The following SDC2 variants were observed in gnomAD, a reference collection of about 807,000 sequenced individuals.
The protein encoded by SDC2 is syndecan 2.
SDC2 carries 13 observed loss-of-function variants against 22.2 expected under a neutral mutation model. The observed-to-expected ratio is 0.59, with a 90% CI of 0.38 to 0.93. SDC2 has a LOEUF of 0.93. Among genes scored for constraint, SDC2 ranks in the 40% least tolerant of loss-of-function variants. SDC2 has a pLI of 0.00. For missense variants in SDC2, 235 were observed against 246.8 expected (o/e 0.95, Z 0.32); for synonymous variants, 94 against 92.8 (o/e 1.01, Z -0.07).
At chr8:96,608,878 G>A (rs1195620847) in intron 4 of SDC2, among the ~76,000 whole-genome samples, 1 of 152,102 alleles carries the variant, frequency 6.6e-6, no homozygotes, top group Admixed American at 6.5e-5. Context: ...TGTTAAGAAC[G>A]TTGTTTCTAT....
At chr8:96,593,620 C>T (rs1563674630) in intron 2 of SDC2, 29 bp downstream of exon 2, 1 of 1,386,538 alleles carries the variant, frequency 7.2e-7, no homozygotes, top group East Asian at 2.3e-5. Flanking sequence ...AACACTGGAC[C>T]TCATTCTCCA....
chr8:96,500,489 C>T (rs1221558025), intron 1 of SDC2, among the ~76,000 whole-genome samples: 1 of 151,884 alleles, frequency 6.6e-6, no homozygotes, highest in African/African-American at 2.4e-5. Flanking sequence ...TGGTGAAACC[C>T]CGTCTCTACT....
intron 1 of SDC2, among the ~76,000 whole-genome samples, chr8:96,568,802 A>G (rs867138382): frequency 2.4e-4 from 36 of 152,314 alleles, no homozygotes; most frequent in Middle Eastern, 6.8e-3. Context: ...ATAAACATGT[A>G]TTGCTTCATG....
intron 1 of SDC2, among the ~76,000 whole-genome samples, chr8:96,551,670 G>A (rs955882396): frequency 1.3e-5 from 2 of 152,164 alleles, no homozygotes; most frequent in Non-Finnish European, 2.9e-5. Flanking sequence ...GAGCTGATGA[G>A]CTTTACAGGT....
chr8:96,589,535 T>C (rs1186911910), intron 1 of SDC2, among the ~76,000 whole-genome samples: 2 of 152,060 alleles, frequency 1.3e-5, no homozygotes, highest in African/African-American at 2.4e-5. Flanking sequence ...GCCTCAGCCT[T>C]GCGAGTAGCT....
intron 1 of SDC2, among the ~76,000 whole-genome samples, chr8:96,530,273 G>A (rs763087088): frequency 7.4e-4 from 113 of 152,266 alleles, no homozygotes; most frequent in Non-Finnish European, 1.3e-3. Context: ...ATGATTAATA[G>A]CTATGTTAAT....
intron 1 of SDC2, among the ~76,000 whole-genome samples, chr8:96,561,027 C>T (rs1814200976): frequency 1.3e-5 from 2 of 152,134 alleles, no homozygotes; most frequent in African/African-American, 2.4e-5. Flanking sequence ...TCACTTGAAC[C>T]CAGGAGGCGG....
At chr8:96,587,772 C>G (rs1352549417) in intron 1 of SDC2, among the ~76,000 whole-genome samples, 3 of 152,076 alleles carry the variant, frequency 2.0e-5, no homozygotes, top group Non-Finnish European at 4.4e-5. Context: ...TTTGAAAATG[C>G]TGGATTAAGC....
chr8:96,510,094 C>T (rs1294786902), intron 1 of SDC2, among the ~76,000 whole-genome samples: 1 of 152,186 alleles, frequency 6.6e-6, no homozygotes, highest in Non-Finnish European at 1.5e-5. Context: ...CACTCGTCCT[C>T]TTGGTCTGGT....
chr8:96,534,199 C>T (rs562494601), intron 1 of SDC2, among the ~76,000 whole-genome samples: 1 of 152,338 alleles, frequency 6.6e-6, no homozygotes, highest in South Asian at 2.1e-4. Flanking sequence ...TCCCTCCACA[C>T]CTCCCTGCAA....
chr8:96,584,966 C>G (rs944772303), intron 1 of SDC2: 1 of 152,184 alleles, frequency 6.6e-6, no homozygotes, highest in Non-Finnish European at 1.5e-5. Flanking sequence ...AAGGTTGCTT[C>G]CCTTCTGTCT....
chr8:96,553,431 C>T (rs953195054), intron 1 of SDC2, among the ~76,000 whole-genome samples: 1 of 142,580 alleles, frequency 7.0e-6, no homozygotes, highest in Non-Finnish European at 1.5e-5. Flanking sequence ...TTTTAAGATA[C>T]ATTTTCAGAA....
intron 1 of SDC2, among the ~76,000 whole-genome samples, chr8:96,495,411 T>C (rs1359561800): frequency 6.6e-6 from 1 of 152,152 alleles, no homozygotes; most frequent in Non-Finnish European, 1.5e-5. Context: ...CTTGGCCTCC[T>C]CTCGTCCGCA....
At chr8:96,579,337 A>T (rs1814554623) in intron 1 of SDC2, among the ~76,000 whole-genome samples, 1 of 152,276 alleles carries the variant, frequency 6.6e-6, no homozygotes, top group South Asian at 2.1e-4. Flanking sequence ...TTAAATGAAA[A>T]TGCCAAATTG....
At chr8:96,545,047 A>G (rs1813909580) in intron 1 of SDC2, among the ~76,000 whole-genome samples, 1 of 152,110 alleles carries the variant, frequency 6.6e-6, no homozygotes, top group South Asian at 2.1e-4. Context: ...TGCTCTCTGT[A>G]TTATCCTTTT....
At position 96,608,352 on chromosome 8, in the gene SDC2, TAAAGAG is replaced by T. The variant is rs753629823; in HGVS notation, c.329_334del (p.Glu110_Lys111del). ...CATACCAGTCACCTGAAGAAACTGATAAAGAGAAAGTTCACCTCTCTGACTCAGAAA... is the reference window on the plus strand; with the variant it reads ...CATACCAGTCACCTGAAGAAACTGATAAAGTTCACCTCTCTGACTCAGAAA... On this transcript the variant is annotated inframe_deletion, in exon 4 of 5. Transcript: ENST00000302190. 1.9e-6 allele frequency: 3 copies of T among 1,613,198 alleles called. No individual in the cohort carries two copies. Among genetic ancestry groups the T allele is most frequent in the Non-Finnish European group, 2.5e-6 (3 of 1,179,456 alleles).
At chr8:96,580,371 C>T in intron 1 of SDC2, 5 of 985,348 alleles carry the variant, frequency 5.1e-6, no homozygotes, top group Non-Finnish European at 6.0e-6. Flanking sequence ...GAGCATTTGC[C>T]AAAGCCAGGT....
At chr8:96,535,523 T>C (rs1239883116) in intron 1 of SDC2, among the ~76,000 whole-genome samples, 1 of 152,244 alleles carries the variant, frequency 6.6e-6, no homozygotes, top group Non-Finnish European at 1.5e-5. Flanking sequence ...TCTCAGATAT[T>C]TCCTAAGGCC....
intron 1 of SDC2, among the ~76,000 whole-genome samples, chr8:96,511,418 T>C (rs1444780745): frequency 1.3e-5 from 2 of 152,202 alleles, no homozygotes; most frequent in Non-Finnish European, 2.9e-5. Context: ...CTGAATCGTA[T>C]TTAAGTTTAA....
Sources: allele counts gnomAD v4.1 joint callset (sites outside exome capture counted in the v4.1 genomes callset), GRCh38; gene constraint gnomAD v4.1.1; transcripts MANE v1.5; gene names NCBI Gene and HGNC (gene_info 2026-07-23, HGNC 2026-07-21).